The following GRIA4 variants were observed in gnomAD, a reference collection of about 807,000 sequenced individuals.
The protein encoded by GRIA4 is glutamate ionotropic receptor AMPA type subunit 4, also known as glutamate receptor 4.
GRIA4 carries 34 observed loss-of-function variants against 104.0 expected under a neutral mutation model. That is an observed-to-expected ratio of 0.33 (90% CI 0.25 to 0.44). The LOEUF is 0.44. GRIA4 is among the 20% of genes least tolerant of loss of function. The pLI is 1.00. For missense variants in GRIA4, 750 were observed against 1,096.5 expected, an observed-to-expected ratio of 0.68 and a Z score of 4.46; for synonymous variants, 386 against 381.9, an observed-to-expected ratio of 1.01 and a Z score of -0.13.
chr11:105,910,751 CATT>C (rs373481379), intron 10 of GRIA4, among the ~76,000 whole-genome samples: 203 of 152,196 alleles, frequency 1.3e-3, no homozygotes, highest in African/African-American at 4.7e-3. Flanking sequence ...TCTTTTGTCA[CATT>C]GTTGTTCTTG....
At chr11:105,830,697 A>G (rs776725689) in intron 4 of GRIA4, among the ~76,000 whole-genome samples, 8 of 152,010 alleles carry the variant, frequency 5.3e-5, no homozygotes, top group East Asian at 1.9e-4. Context: ...TATCTACTCA[A>G]TTGGACATAG....
chr11:105,621,220 A>G (rs1950736545), intron 3 of GRIA4, among the ~76,000 whole-genome samples: 1 of 151,748 alleles, frequency 6.6e-6, no homozygotes, highest in Admixed American at 6.6e-5. Context: ...CTTTAAATAT[A>G]TTATGCCCTG....
intron 4 of GRIA4, among the ~76,000 whole-genome samples, chr11:105,816,007 A>AACTC (rs1218246956): frequency 2.6e-5 from 4 of 152,102 alleles, no homozygotes; most frequent in Non-Finnish European, 5.9e-5. Flanking sequence ...TTTTGACCCC[A>AACTC]ACTCACACTC....
chr11:105,795,554 G>C (rs1452028770), intron 4 of GRIA4, among the ~76,000 whole-genome samples: 1 of 152,090 alleles, frequency 6.6e-6, no homozygotes, highest in Non-Finnish European at 1.5e-5. Context: ...AGTGAGAAAA[G>C]ACTTAAAATA....
Position 105,610,320 on chromosome 11 carries a change from G to C in GRIA4, c.-199G>C, listed in dbSNP as rs940728781. On this transcript the variant is annotated 5_prime_UTR_variant, in exon 1 of 17. Transcript: ENST00000282499. ...GCTGGGGGTGCCCATCCCCAGAGTC[G>C]GTCCCTCTGCGAACCGAGGAAGAAA... 2 of 152,380 alleles carry C rather than the reference G, an allele frequency of 1.3e-5. No homozygotes were observed. Among genetic ancestry groups the C allele is most frequent in the East Asian group, 3.9e-4 (2 of 5,166 alleles). 9.4% of individuals were successfully genotyped at this position (152,380 alleles called of 1,614,324 possible).
intron 3 of GRIA4, among the ~76,000 whole-genome samples, chr11:105,743,498 A>G (rs1565510252): frequency 1.3e-5 from 2 of 152,142 alleles, no homozygotes; most frequent in South Asian, 4.1e-4. Context: ...TGTTTTCCAT[A>G]TTTATATCAT....
chr11:105,806,072 C>T (rs1169849241), intron 4 of GRIA4, among the ~76,000 whole-genome samples: 1 of 151,724 alleles, frequency 6.6e-6, no homozygotes, highest in Non-Finnish European at 1.5e-5. Flanking sequence ...TCTCTTTAGA[C>T]CAGTAAGTGT....
chr11:105,699,094 G>T (rs1050691386), intron 3 of GRIA4, among the ~76,000 whole-genome samples: 2 of 152,132 alleles, frequency 1.3e-5, no homozygotes, highest in African/African-American at 2.4e-5. Context: ...CTTTACTAAT[G>T]CCGAAACTGA....
At chr11:105,850,127 AACTG>A (rs1231218845) in intron 4 of GRIA4, among the ~76,000 whole-genome samples, 1 of 152,224 alleles carries the variant, frequency 6.6e-6, no homozygotes, top group East Asian at 1.9e-4. Flanking sequence ...AGCAAAGCAA[AACTG>A]ACTAATTGCC....
At chr11:105,935,437 T>C (rs958388525) in intron 14 of GRIA4, among the ~76,000 whole-genome samples, 6 of 152,300 alleles carry the variant, frequency 3.9e-5, no homozygotes, top group South Asian at 4.1e-4. Context: ...TTCAGAAACT[T>C]AAACTGGCAT....
chr11:105,683,914 C>T (rs1419863319), intron 3 of GRIA4, among the ~76,000 whole-genome samples: 1 of 151,670 alleles, frequency 6.6e-6, no homozygotes, highest in Non-Finnish European at 1.5e-5. Context: ...CTCTCTCTGT[C>T]GCCAGGCTGG....
At chr11:105,943,016 C>T (rs772620899) in intron 14 of GRIA4, among the ~76,000 whole-genome samples, 68 of 152,206 alleles carry the variant, frequency 4.5e-4, no homozygotes, top group Non-Finnish European at 7.4e-4. Flanking sequence ...GTCTGAGATT[C>T]TGAGTCTTAC....
intron 3 of GRIA4, among the ~76,000 whole-genome samples, chr11:105,724,334 T>TAC (rs1006869721): frequency 1.3e-5 from 2 of 151,052 alleles, no homozygotes; most frequent in Non-Finnish European, 3.0e-5. Context: ...CATATATATA[T>TAC]ACATAGATAG....
chr11:105,641,335 C>T (rs1013751928), intron 3 of GRIA4, among the ~76,000 whole-genome samples: 8 of 152,002 alleles, frequency 5.3e-5, no homozygotes, highest in African/African-American at 9.7e-5. Flanking sequence ...CAATTTTTGC[C>T]GTCACTCACC....
intron 14 of GRIA4, among the ~76,000 whole-genome samples, chr11:105,939,297 T>G (rs1482174297): frequency 6.6e-6 from 1 of 152,162 alleles, no homozygotes; most frequent in Non-Finnish European, 1.5e-5. Context: ...TTTGCTCTCC[T>G]TACCACTACA....
At chr11:105,921,514 T>C (rs575187440) in intron 11 of GRIA4, among the ~76,000 whole-genome samples, 1 of 152,292 alleles carries the variant, frequency 6.6e-6, no homozygotes, top group Admixed American at 6.5e-5. Flanking sequence ...ATGTGTAACC[T>C]ATCTCTACTA....
intron 4 of GRIA4, among the ~76,000 whole-genome samples, chr11:105,759,267 T>C (rs11226840): frequency 6.4e-4 from 98 of 152,298 alleles, no homozygotes; most frequent in Non-Finnish European, 8.7e-4. Context: ...CGGTGTTTGG[T>C]TAATATTTTA....
At position 105,887,355 on chromosome 11, in the gene GRIA4, G is replaced by A. The variant is rs559253194; in HGVS notation, c.673-164G>A. Among the ~76,000 whole-genome samples, 10 of 151,990 alleles carry A rather than the reference G, an allele frequency of 6.6e-5. No homozygotes were observed. In the South Asian group the frequency reaches 2.1e-3, roughly 32 times the overall value. On this transcript the variant is annotated intron_variant, in intron 5 of 16. Coordinates refer to ENST00000282499, the MANE Select transcript of GRIA4 (RefSeq NM_000829.4). ...CTTTTTACCACTTATTCTGAATATGGCTTATCAATTCTTCTAACTATAGTA... is the reference window on the plus strand; with the variant it reads ...CTTTTTACCACTTATTCTGAATATGACTTATCAATTCTTCTAACTATAGTA...
At chr11:105,734,368 A>G (rs1028117646) in intron 3 of GRIA4, among the ~76,000 whole-genome samples, 1 of 152,058 alleles carries the variant, frequency 6.6e-6, no homozygotes, top group African/African-American at 2.4e-5. Context: ...GAGTCCATGT[A>G]TTTCTCTTGC....
Sources: allele counts gnomAD v4.1 joint callset (sites outside exome capture counted in the v4.1 genomes callset), GRCh38; gene constraint gnomAD v4.1.1; transcripts MANE v1.5; gene names NCBI Gene and HGNC (gene_info 2026-07-23, HGNC 2026-07-21).